PGBD5: variants seen among roughly 807,000 people sequenced by gnomAD.
PGBD5 encodes the protein piggyBac transposable element derived 5.
A neutral mutation model predicts 47.9 loss-of-function variants in PGBD5; 14 were observed. That is an observed-to-expected ratio of 0.29 (90% confidence interval 0.19 to 0.46). The LOEUF is 0.46. Among genes scored for constraint, PGBD5 ranks in the 20% least tolerant of loss-of-function variants. PGBD5 has a pLI of 1.00. For synonymous variants in PGBD5, 316 were observed against 306.3 expected (o/e 1.03, Z -0.33); for missense variants, 635 against 716.0 (o/e 0.89, Z 1.29).
At chr1:230,382,990 C>A (rs74904648) in intron 1 of PGBD5, among the ~76,000 whole-genome samples, 12,336 of 152,176 alleles carry the variant, frequency 0.081, 721 homozygotes, top group African/African-American at 0.17. Flanking sequence ...GCTGTCCGGG[C>A]AATGGTTCTC....
chr1:230,425,604 T>C lies in PGBD5; in HGVS notation c.325A>G (p.Thr109Ala). 2 of 1,217,662 alleles carry C rather than the reference T, an allele frequency of 1.6e-6. No homozygotes were observed. Among genetic ancestry groups the C allele is most frequent in the East Asian group, 3.3e-5 (1 of 30,444 alleles). The allele number at this position is 1,217,662 out of a possible 1,614,324, so 75.4% of individuals were successfully genotyped here. The change falls in exon 1 of 7, where the codon ACC (threonine) becomes GCC (alanine). Residue 109 changes from threonine (T) to alanine (A), a missense_variant. Physicochemically the swap from Thr to Ala is moderately conservative, Grantham distance 58. Transcript: ENST00000391860. This position sits in a 1 kb window ranked among gnomAD's most constrained non-coding sequence, Gnocchi z 4.7. ...RDRPPPRFED[T>A]GGPTRKMPPS... The stretch of plus-strand genomic sequence containing the variant: ...CCCGCGGGCAGCCCCTTACCGCCGG[T>C]ATCCTCGAAGCGCGGGGGCGGGCGG...
rs746218238 is a variant in PGBD5, at chr1:230,323,439, A to G, written c.1561T>C (p.Ser521Pro). The G allele has an allele frequency of 1.2e-6, 2 of 1,613,598 alleles. No individual in the cohort carries two copies. Among genetic ancestry groups the G allele is most frequent in the Non-Finnish European group, 8.5e-7 (1 of 1,179,790 alleles). ...VRELLGLEDA[S>P]PTH is the part of the protein sequence containing the mutation. ...CGCCCCCAGCATCAGTGGGTCGGAG[A>G]GGCATCCTCCAAGCCCAGCAGCTCT... Residue 521 changes from serine (S) to proline (P), a missense_variant, in exon 7 of 7, where the codon TCT becomes CCT. By Grantham distance (74) the Ser-to-Pro change is moderately conservative (BLOSUM62 -1). Coordinates refer to ENST00000391860, the MANE Select transcript of PGBD5 (RefSeq NM_001258311.2). The surrounding 1 kb of genome is among the most constrained non-coding windows in gnomAD (Gnocchi z 4.1).
chr1:230,353,203 C>A (rs1045883004), intron 2 of PGBD5, among the ~76,000 whole-genome samples: 4 of 152,210 alleles, frequency 2.6e-5, no homozygotes, highest in Admixed American at 6.5e-5. Flanking sequence ...CTCCTCCAGG[C>A]TACACATGGG....
chr1:230,374,279 T>C (rs1182749523), intron 1 of PGBD5, among the ~76,000 whole-genome samples: 1 of 152,004 alleles, frequency 6.6e-6, no homozygotes, highest in Admixed American at 6.5e-5. Context: ...CAGCTGGGCA[T>C]GGTGGCAGGC....
chr1:230,412,491 C>A (rs541156941), intron 1 of PGBD5, among the ~76,000 whole-genome samples: 1 of 151,278 alleles, frequency 6.6e-6, no homozygotes, highest in Non-Finnish European at 1.5e-5. Flanking sequence ...TGGGTTCACA[C>A]CATTCTCCTG....
rs773605807 is a variant in PGBD5, at chr1:230,350,985, T to C, written c.867A>G (p.Gln289=). 213 of 1,613,914 alleles carry C rather than the reference T, an allele frequency of 1.3e-4. No individual in the cohort carries two copies. Among genetic ancestry groups the C allele is most frequent in the Middle Eastern group, 4.9e-4 (3 of 6,082 alleles). ...KKRKFSLWVR[Q]CSSTGFIIQI... is the part of the protein sequence containing the mutation. The stretch of plus-strand genomic sequence containing the variant: ...GGATGATGAAGCCAGTGGAAGAACA[T>C]TGTCTGACCCAGAGGCTGAATTTCC... The change falls in exon 3 of 7, where the codon CAA becomes CAG. Residue 289 remains glutamine (Q), a synonymous_variant. Coordinates refer to ENST00000391860, the MANE Select transcript of PGBD5 (RefSeq NM_001258311.2).
rs1294016880 is a variant in PGBD5 at position 230,332,878 on chromosome 1, G to A, written c.1239C>T (p.Arg413=). Residue 413 remains arginine (R), a synonymous_variant, in exon 5 of 7, where the codon CGC becomes CGT. Coordinates refer to ENST00000391860, the MANE Select transcript of PGBD5 (RefSeq NM_001258311.2). ...CCGGGGAGTAGGCGTTGGTCAGGAA[G>A]CGGAAGTGTCCTTTGTTGTACCAGC... ...LICWYNKGHF[R]FLTNAYSPVQ... The A allele has an allele frequency of 6.2e-7, 1 of 1,614,116 alleles. No homozygotes were observed. Among genetic ancestry groups the A allele is most frequent in the Non-Finnish European group, 8.5e-7 (1 of 1,180,046 alleles).
At chr1:230,356,857 C>T (rs776094549) in intron 2 of PGBD5, 37 bp downstream of exon 2, 2 of 1,590,826 alleles carry the variant, frequency 1.3e-6, no homozygotes, top group Non-Finnish European at 1.7e-6. Flanking sequence ...AGAGCGAGGA[C>T]ACCTGGACAA....
chr1:230,394,869 CTCCCCCCTCT>C (rs1191456127), intron 1 of PGBD5, among the ~76,000 whole-genome samples: 2 of 104,492 alleles, frequency 1.9e-5, no homozygotes, highest in Non-Finnish European at 4.0e-5. Context: ...TCTCATGCTC[CTCCCCCCTCT>C]CCTCATGCTC....
Position 230,350,938 on chromosome 1 carries a change from G to C in PGBD5, c.894+20C>G. 1 of 1,612,050 alleles carries C rather than the reference G, an allele frequency of 6.2e-7. No homozygotes were observed. The highest frequency in any genetic ancestry group is 8.5e-7 in the Non-Finnish European group (1 of 1,179,170). ...CCGACCCTCTTCACCGACCCTCCCC[G>C]GGCTCAGCCCAGGGCTCACCTGGAT... On this transcript the variant is annotated intron_variant, in intron 3 of 6. Coordinates refer to ENST00000391860, the MANE Select transcript of PGBD5 (RefSeq NM_001258311.2).
At chr1:230,368,179 G>C (rs369971105) in intron 1 of PGBD5, 336 of 1,353,434 alleles carry the variant, frequency 2.5e-4, no homozygotes, top group Middle Eastern at 1.1e-3. Context: ...GAGAGAGAAG[G>C]CTTGGGGAGA....
intron 1 of PGBD5, among the ~76,000 whole-genome samples, chr1:230,381,362 G>A (rs11805436): frequency 0.084 from 12,838 of 152,242 alleles, 803 homozygotes; most frequent in African/African-American, 0.18. Flanking sequence ...ACATGCACAC[G>A]CTGCTGCTGC....
chr1:230,357,329 C>A lies in PGBD5; in HGVS notation c.332-8G>T. Reference sequence around the variant, plus strand: ...GCATCTTTCGGGTGGGACCTGAAACCCAAAGACAGGTGGAGTGTTCCTTAG... The same window carrying A: ...GCATCTTTCGGGTGGGACCTGAAACACAAAGACAGGTGGAGTGTTCCTTAG... On this transcript the variant is annotated splice_region_variant and splice_polypyrimidine_tract_variant and intron_variant, in intron 1 of 6. Transcript: ENST00000391860. This position sits in a 1 kb window ranked among gnomAD's most constrained non-coding sequence, Gnocchi z 5.7. 1.2e-6 allele frequency: 2 copies of A among 1,611,510 alleles called. No homozygotes were observed. Among genetic ancestry groups the A allele is most frequent in the Non-Finnish European group, 1.7e-6 (2 of 1,178,384 alleles).
At chr1:230,410,775 C>G (rs2102749447) in intron 1 of PGBD5, among the ~76,000 whole-genome samples, 1 of 152,136 alleles carries the variant, frequency 6.6e-6, no homozygotes, top group East Asian at 1.9e-4. Context: ...TAGAAAAGGA[C>G]AGCTTCTACT....
At chr1:230,335,100 GAC>G (rs1259116810) in intron 4 of PGBD5, among the ~76,000 whole-genome samples, 63 of 120,174 alleles carry the variant, frequency 5.2e-4, no homozygotes, top group African/African-American at 1.7e-3. Context: ...TACACACACA[GAC>G]ACACACAGAT....
Position 230,351,035 on chromosome 1 carries a change from G to A in PGBD5, c.817C>T (p.Arg273Trp), listed in dbSNP as rs902443503. 5 of 1,614,032 alleles carry A rather than the reference G, an allele frequency of 3.1e-6. No homozygotes were observed. The highest frequency in any genetic ancestry group is 2.7e-5 in the African/African-American group (2 of 75,036). ...CGCTTTTTCCTCTTTCGCAGCTCCC[G>A]CTCTGTGCACGTGGCAATGAATACA... ...DPVFIATCTE[R>W]ELRKRKKRKF... The change falls in exon 3 of 7, where the codon CGG becomes TGG. Residue 273 changes from arginine (R) to tryptophan (W), a missense_variant. Transcript: ENST00000391860.
In PGBD5 at chr1:230,425,624, G is replaced by A. The variant is rs1361137555; in HGVS notation, c.305C>T (p.Pro102Leu). Reference sequence around the variant, plus strand: ...GCCGGTATCCTCGAAGCGCGGGGGCGGGCGGTCCCGCAGCGCTGCGCTCCA... The same window carrying A: ...GCCGGTATCCTCGAAGCGCGGGGGCAGGCGGTCCCGCAGCGCTGCGCTCCA... The part of the protein sequence containing the change: ...AGWSAALRDR[P>L]PPRFEDTGGP... The change falls in exon 1 of 7, where the codon CCG becomes CTG. Residue 102 changes from proline (P) to leucine (L), a missense_variant. Coordinates refer to ENST00000391860, the MANE Select transcript of PGBD5 (RefSeq NM_001258311.2). This position sits in a 1 kb window ranked among gnomAD's most constrained non-coding sequence, Gnocchi z 4.7. The A allele has an allele frequency of 1.6e-6, 2 of 1,219,686 alleles. No individual in the cohort carries two copies. The highest frequency in any genetic ancestry group is 2.0e-6 in the Non-Finnish European group (2 of 980,418). 75.6% of individuals were successfully genotyped at this position (1,219,686 alleles called of 1,614,324 possible).
chr1:230,408,977 T>C (rs1657353838), intron 1 of PGBD5, among the ~76,000 whole-genome samples: 1 of 152,164 alleles, frequency 6.6e-6, no homozygotes, highest in Non-Finnish European at 1.5e-5. Flanking sequence ...ATATAAGGAA[T>C]ATTCGGAATA....
chr1:230,350,919 C>T, intron 3 of PGBD5, 39 bp downstream of exon 3: 2 of 1,605,168 alleles, frequency 1.2e-6, no homozygotes, highest in Non-Finnish European at 1.7e-6. Context: ...TTCCCCGACC[C>T]TCTTCACCGA....
Sources: gnomAD v4.1 joint callset for allele counts (sites outside exome capture counted in the v4.1 genomes callset) on GRCh38, gnomAD v4.1.1 for gene constraint, Gnocchi (gnomAD v3.1) non-coding constraint, MANE v1.5 for transcripts, NCBI Gene and HGNC (gene_info 2026-07-23, HGNC 2026-07-21) for gene names.